The following CFAP46 variants were observed in gnomAD, a reference collection of about 807,000 sequenced individuals.
CFAP46 encodes the protein cilia- and flagella-associated protein 46.
In CFAP46, 245 loss-of-function variants were observed where a neutral mutation model predicts 325.7. The observed-to-expected ratio is 0.75, with a 90% CI of 0.68 to 0.84. CFAP46 has a LOEUF of 0.84. Ranked by LOEUF, CFAP46 falls within the 40% of genes least tolerant of loss-of-function variation. CFAP46 has a pLI of 0.00. For synonymous variants in CFAP46, 1,523 were observed against 1,495.9 expected, an observed-to-expected ratio of 1.02 and a Z score of -0.42; for missense variants, 3,346 against 3,543.0, an observed-to-expected ratio of 0.94 and a Z score of 1.41.
At chr10:132,823,388 T>G (rs894998759) in intron 50 of CFAP46, among the ~76,000 whole-genome samples, 1 of 137,390 alleles carries the variant, frequency 7.3e-6, no homozygotes, top group African/African-American at 2.8e-5. Context: ...GTGTGTGCAC[T>G]GATGTGTGCT....
chr10:132,872,684 G>A lies in CFAP46; in HGVS notation c.4503C>T (p.Tyr1501=). ...VVGSKGLSDL[Y]HLRLAHACSE... is the part of the protein sequence containing the mutation. ...AAAGGAGCTGTACCCACCGAAGGTG[G>A]TAGAGATCCGACAGGCCCTTGCTTC... is the stretch of plus-strand genomic sequence containing the variant. The change falls in exon 32 of 58, where the codon TAC becomes TAT. Residue 1501 remains tyrosine (Y), a synonymous_variant. Transcript: ENST00000368586. The A allele has an allele frequency of 4.5e-6, 7 of 1,550,630 alleles. No individual in the cohort carries two copies. In the South Asian group the frequency reaches 8.3e-5, roughly 18 times the overall value.
chr10:132,882,963 G>C (rs1849070915), intron 27 of CFAP46, among the ~76,000 whole-genome samples: 1 of 152,122 alleles, frequency 6.6e-6, no homozygotes. Flanking sequence ...GGAGTGCCGG[G>C]GACCCTGCCT....
rs201316716 is a variant in CFAP46 at position 132,887,508 on chromosome 10, CCT to C, written c.3305-1551_3305-1550del. ...CTCTCCCCTCTCGCCTATTTCCTCTCCTCTCTCTCTCCTCTCCTCTCTCCTCT... is the reference window on the plus strand; with the variant it reads ...CTCTCCCCTCTCGCCTATTTCCTCTCCTCTCTCTCCTCTCCTCTCTCCTCT... On this transcript the variant is annotated intron_variant, in intron 25 of 57. Transcript: ENST00000368586. 7.3e-3 allele frequency among the ~76,000 whole-genome samples: 840 copies of C among 114,450 alleles called. 19 individuals are homozygous for C. Among genetic ancestry groups the C allele is most frequent in the Non-Finnish European group, 0.012 (645 of 52,762 alleles). 75.1% of individuals were successfully genotyped at this position (114,450 alleles called of 152,430 possible).
At chr10:132,899,198 GT>G (rs1849359855) in intron 23 of CFAP46, 77 bp from the exon 24 acceptor site, 1 of 1,469,204 alleles carries the variant, frequency 6.8e-7, no homozygotes, top group East Asian at 2.5e-5. Context: ...GGACAGGAAG[GT>G]CGGGCGCCCA....
intron 39 of CFAP46, among the ~76,000 whole-genome samples, chr10:132,854,972 T>G (rs1313472236): frequency 6.6e-6 from 1 of 152,234 alleles, no homozygotes; most frequent in African/African-American, 2.4e-5. Flanking sequence ...AACATATTCA[T>G]GTGCACACAA....
At chr10:132,833,989 C>A in intron 49 of CFAP46, 52 bp downstream of exon 49, 1 of 1,567,554 alleles carries the variant, frequency 6.4e-7, no homozygotes, top group Non-Finnish European at 8.8e-7. Context: ...AACCCCACCT[C>A]TTCTGGCGGG....
intron 44 of CFAP46, 123 bp downstream of exon 44, chr10:132,845,934 A>C: frequency 9.3e-7 from 1 of 1,076,592 alleles, no homozygotes; most frequent in Non-Finnish European, 1.3e-6. Flanking sequence ...ACGGGGAGGG[A>C]TGGCTCATGA....
chr10:132,866,323 C>T (rs565400366), intron 34 of CFAP46, among the ~76,000 whole-genome samples, 152 bp from the exon 35 acceptor site: 8 of 152,308 alleles, frequency 5.3e-5, no homozygotes, highest in East Asian at 3.9e-4. Flanking sequence ...ATGGGCGCCT[C>T]GCAAGCTCCC....
chr10:132,924,407 C>A (rs920579292), intron 11 of CFAP46, among the ~76,000 whole-genome samples: 2 of 148,504 alleles, frequency 1.3e-5, no homozygotes, highest in Non-Finnish European at 3.0e-5. Flanking sequence ...CAGCCCCCCA[C>A]TCCCGGCCTC....
At position 132,924,834 on chromosome 10, in the gene CFAP46, C is replaced by T. The variant is rs767116282; in HGVS notation, c.1118G>A (p.Arg373His). 139 of 1,444,466 alleles carry T rather than the reference C, an allele frequency of 9.6e-5. No individual in the cohort carries two copies. The highest frequency in any genetic ancestry group is 1.2e-4 in the Non-Finnish European group (129 of 1,092,798). 89.5% of individuals were successfully genotyped at this position (1,444,466 alleles called of 1,614,324 possible). A position where few individuals can be genotyped will look rare whatever the true frequency, so the allele number is the denominator to read the frequency against. ...RLDVALQRAV[R>H]LGDPRVIHVV... ...GTGGATGACCCGGGGGTCGCCCAGG[C>T]GCACGGCTCGCTGCAGCGCGACGTC... is the stretch of plus-strand genomic sequence containing the variant. Residue 373 changes from arginine to histidine, a missense_variant, in exon 11 of 58, where the codon CGC (arginine) becomes CAC (histidine). Physicochemically the swap from Arg to His is conservative, Grantham distance 29. Transcript: ENST00000368586.
intron 5 of CFAP46, 69 bp downstream of exon 5, chr10:132,938,520 G>T: frequency 6.8e-7 from 1 of 1,473,094 alleles, no homozygotes; most frequent in Non-Finnish European, 9.4e-7. Flanking sequence ...CCCGGAGAAG[G>T]GGTGGTGGCC....
Position 132,847,891 on chromosome 10 carries a change from A to G in CFAP46, c.5953-570T>C, listed in dbSNP as rs1848466714. Among the ~76,000 whole-genome samples, 1 of 152,198 alleles carries G rather than the reference A, an allele frequency of 6.6e-6. No homozygotes were observed. ...CGTCAAAATAAAAACACTGATAGAA[A>G]TGGAGAAGGAGTGATGGACATGTCC... On this transcript the variant is annotated intron_variant, in intron 41 of 57. Coordinates refer to ENST00000368586, the MANE Select transcript of CFAP46 (RefSeq NM_001200049.3). This position sits in a 1 kb window ranked among gnomAD's most constrained non-coding sequence, Gnocchi z 5.2.
At chr10:132,814,535 G>T in intron 53 of CFAP46, 42 bp downstream of exon 53, 1 of 1,548,996 alleles carries the variant, frequency 6.5e-7, no homozygotes. Context: ...GGAGGCCCGA[G>T]GCTGGCGTGT....
intron 44 of CFAP46, among the ~76,000 whole-genome samples, chr10:132,837,647 G>A (rs1352256292): frequency 4.2e-5 from 3 of 71,074 alleles, no homozygotes; most frequent in Non-Finnish European, 5.6e-5. Context: ...ACACGCACAC[G>A]TACACAGATG....
chr10:132,853,710 G>C lies in CFAP46; in HGVS notation c.5575-2405C>G, dbSNP rs181054099. Among the ~76,000 whole-genome samples the C allele has an allele frequency of 7.6e-3, 1,128 of 149,192 alleles. 14 individuals are homozygous for C. Among genetic ancestry groups the C allele is most frequent in the African/African-American group, 0.027 (1,036 of 38,686 alleles). On this transcript the variant is annotated intron_variant, in intron 39 of 57. Transcript: ENST00000368586. ...AATTTAAAATATATAGGGCTACTCA[G>C]GCTATCTCTTTCTTTTTGAGTGGGC...
chr10:132,865,136 TC>T (rs1369293789), intron 35 of CFAP46, among the ~76,000 whole-genome samples: 2 of 152,180 alleles, frequency 1.3e-5, no homozygotes, highest in African/African-American at 4.8e-5. Context: ...TGCCTCACCC[TC>T]CCAGTGAAAG....
rs933938098 is a variant in CFAP46 at position 132,941,788 on chromosome 10, C to T, written c.175-66G>A. 1.9e-4 allele frequency: 301 copies of T among 1,602,318 alleles called. 3 individuals are homozygous for T. Among genetic ancestry groups the T allele is most frequent in the Non-Finnish European group, 1.3e-4 (156 of 1,173,550 alleles). Reference sequence around the variant, plus strand: ...GGGTGGCCTCCCTGCCCAGAAGCACCACGGGCCCGCTTTCAGAACAGGCCC... The same window carrying T: ...GGGTGGCCTCCCTGCCCAGAAGCACTACGGGCCCGCTTTCAGAACAGGCCC... On this transcript the variant is annotated intron_variant, in intron 2 of 57. Coordinates refer to ENST00000368586, the MANE Select transcript of CFAP46 (RefSeq NM_001200049.3).
At chr10:132,815,059 G>A (rs1280917622) in intron 50 of CFAP46, 145 bp from the exon 51 acceptor site, 6 of 782,274 alleles carry the variant, frequency 7.7e-6, no homozygotes, top group Non-Finnish European at 1.3e-5. Flanking sequence ...TTTAATTTGT[G>A]TAAAGTTGAC....
intron 35 of CFAP46, among the ~76,000 whole-genome samples, chr10:132,862,323 G>A (rs898248449): frequency 6.6e-6 from 1 of 152,120 alleles, no homozygotes; most frequent in Non-Finnish European, 1.5e-5. Context: ...ACAGTGGGCC[G>A]GAGGCCGGCG....
Sources: gnomAD v4.1 joint callset for allele counts (sites outside exome capture counted in the v4.1 genomes callset) on GRCh38, gnomAD v4.1.1 for gene constraint, Gnocchi (gnomAD v3.1) non-coding constraint, MANE v1.5 for transcripts, NCBI Gene and HGNC (gene_info 2026-07-23, HGNC 2026-07-21) for gene names.